Variants in HIVEP3 observed in about 807,000 individuals in gnomAD.
HIVEP3 encodes the protein HIVEP zinc finger 3, also known as transcription factor HIVEP3.
In HIVEP3, 49 loss-of-function variants were observed where a neutral mutation model predicts 152.8. The ratio of observed to expected loss-of-function variants is 0.32; its 90% CI spans 0.26 to 0.41. The LOEUF is 0.41. HIVEP3 is among the 10% of genes least tolerant of loss of function. The pLI, the probability that HIVEP3 is intolerant of heterozygous loss-of-function variation, is 1.00. For synonymous variants in HIVEP3, 1,269 were observed against 1,289.0 expected, an observed-to-expected ratio of 0.98 and a Z score of 0.33; for missense variants, 2,790 against 3,103.3, an observed-to-expected ratio of 0.90 and a Z score of 2.40.
In HIVEP3 at chr1:41,754,949, C is replaced by T. The variant is rs113985668; in HGVS notation, c.-800-53954G>A. Among the ~76,000 whole-genome samples the T allele has an allele frequency of 1.1e-4, 16 of 152,224 alleles. 2 individuals are homozygous for T. The highest frequency in any genetic ancestry group is 3.4e-4 in the African/African-American group (14 of 41,542). ...ACCTTTCAGGAGCAGTTTGGTAATA[C>T]GTTATCACAAGCCTTGAAAAAGTAC... On this transcript the variant is annotated intron_variant, in intron 1 of 8. Transcript: ENST00000372583.
At chr1:41,646,309 C>T (rs907213355) in intron 2 of HIVEP3, among the ~76,000 whole-genome samples, 2 of 152,218 alleles carry the variant, frequency 1.3e-5, no homozygotes, top group Non-Finnish European at 2.9e-5. Context: ...GGGCCAGGGG[C>T]AAACCCCAGG....
At chr1:41,850,854 A>G (rs976728887) in intron 1 of HIVEP3, among the ~76,000 whole-genome samples, 1 of 152,332 alleles carries the variant, frequency 6.6e-6, no homozygotes, top group South Asian at 2.1e-4. Context: ...TCTAACCATC[A>G]TGAAGAATAT....
At chr1:41,802,951 G>A (rs757895535) in intron 1 of HIVEP3, among the ~76,000 whole-genome samples, 7 of 152,176 alleles carry the variant, frequency 4.6e-5, no homozygotes, top group Admixed American at 1.3e-4. Context: ...CTTCAAACAC[G>A]CTCAGAAACC....
chr1:41,879,416 T>C (rs562142757), intron 1 of HIVEP3, among the ~76,000 whole-genome samples: 1 of 152,324 alleles, frequency 6.6e-6, no homozygotes, highest in East Asian at 1.9e-4. Flanking sequence ...GATCCCAACT[T>C]TCCACTGCAC....
At chr1:41,693,770 T>C (rs758429530) in intron 2 of HIVEP3, among the ~76,000 whole-genome samples, 1 of 152,174 alleles carries the variant, frequency 6.6e-6, no homozygotes, top group African/African-American at 2.4e-5. Flanking sequence ...ATCATTATGG[T>C]TTCATGTTTT....
At chr1:41,516,342 C>G (rs954732161) in intron 7 of HIVEP3, among the ~76,000 whole-genome samples, 1 of 152,222 alleles carries the variant, frequency 6.6e-6, no homozygotes, top group African/African-American at 2.4e-5. Context: ...AGGCAGTTCT[C>G]CCACGCGCCA....
chr1:41,511,306 A>C lies in HIVEP3; in HGVS notation c.6406-40T>G. 6.6e-7 allele frequency: 1 copy of C among 1,506,978 alleles called. No individual in the cohort carries two copies. The allele number at this position is 1,506,978 out of a possible 1,614,324, so 93.4% of individuals were successfully genotyped here. ...CAAGACAAGGTAAGGTGAAGGTTACATGCTGGGCACATGGGGAGCCGAGGC... is the reference window on the plus strand; with the variant it reads ...CAAGACAAGGTAAGGTGAAGGTTACCTGCTGGGCACATGGGGAGCCGAGGC... On this transcript the variant is annotated intron_variant, in intron 8 of 8. Coordinates refer to ENST00000372583, the MANE Select transcript of HIVEP3 (RefSeq NM_024503.5). The surrounding 1 kb of genome is among the most constrained non-coding windows in gnomAD (Gnocchi z 4.9).
intron 1 of HIVEP3, among the ~76,000 whole-genome samples, chr1:41,716,823 G>A (rs978962356): frequency 1.3e-5 from 2 of 152,320 alleles, no homozygotes; most frequent in African/African-American, 4.8e-5. Flanking sequence ...AGATGTGAAC[G>A]AAGCCGGTTA....
intron 1 of HIVEP3, among the ~76,000 whole-genome samples, chr1:41,796,147 T>G (rs1443245518): frequency 2.0e-5 from 3 of 152,248 alleles, no homozygotes; most frequent in Non-Finnish European, 2.9e-5. Flanking sequence ...TTTTTGACTC[T>G]AATCCAGCAC....
At chr1:41,691,883 A>AT (rs34731891) in intron 2 of HIVEP3, among the ~76,000 whole-genome samples, 117 of 143,132 alleles carry the variant, frequency 8.2e-4, no homozygotes, top group Non-Finnish European at 1.2e-3. Context: ...AGAGTGGTGA[A>AT]TTTTTTTTTT....
At chr1:41,653,317 T>G (rs916030831) in intron 2 of HIVEP3, among the ~76,000 whole-genome samples, 1 of 152,008 alleles carries the variant, frequency 6.6e-6, no homozygotes, top group Non-Finnish European at 1.5e-5. Context: ...TACCCACCTC[T>G]ACACACACAC....
intron 5 of HIVEP3, among the ~76,000 whole-genome samples, chr1:41,562,624 TCTCTCTCTCC>T (rs1401449555): frequency 1.5e-3 from 168 of 109,934 alleles, no homozygotes; most frequent in African/African-American, 5.9e-3. Context: ...TCTCTCTCTC[TCTCTCTCTCC>T]CTCTCTCTCT....
chr1:41,686,137 T>A (rs146489815), intron 2 of HIVEP3, among the ~76,000 whole-genome samples: 1 of 152,156 alleles, frequency 6.6e-6, no homozygotes, highest in South Asian at 2.1e-4. Flanking sequence ...AGTGGTGCAA[T>A]CTCAGCCCAC....
chr1:41,510,389 A>C lies in HIVEP3; in HGVS notation c.*62T>G. On this transcript the variant is annotated 3_prime_UTR_variant, in exon 9 of 9. Transcript: ENST00000372583. ...TGAGGAAGTGGGATGATTCGAGGAA[A>C]GTGGCTGGAAACGTCTGTTGCTGGA... 1 of 1,343,598 alleles carries C rather than the reference A, an allele frequency of 7.4e-7. No homozygotes were observed. Among genetic ancestry groups the C allele is most frequent in the East Asian group, 2.8e-5 (1 of 35,690 alleles). The allele number at this position is 1,343,598 out of a possible 1,614,324, so 83.2% of individuals were successfully genotyped here.
intron 1 of HIVEP3, among the ~76,000 whole-genome samples, chr1:41,899,596 CG>C (rs1235547781): frequency 2.6e-5 from 4 of 152,008 alleles, no homozygotes; most frequent in African/African-American, 9.7e-5. Context: ...TTAGTAGAGA[CG>C]GGGTTTCACC....
intron 1 of HIVEP3, among the ~76,000 whole-genome samples, chr1:41,779,181 G>C (rs1206116496): frequency 6.6e-6 from 1 of 152,100 alleles, no homozygotes; most frequent in African/African-American, 2.4e-5. Flanking sequence ...CCCCCAACCA[G>C]GTGCATCTCT....
intron 1 of HIVEP3, among the ~76,000 whole-genome samples, chr1:41,766,455 G>A (rs1648014639): frequency 6.6e-6 from 1 of 152,206 alleles, no homozygotes; most frequent in Non-Finnish European, 1.5e-5. Context: ...CATTAATTGA[G>A]CACTTGCTGT....
intron 1 of HIVEP3, among the ~76,000 whole-genome samples, chr1:41,901,926 T>C (rs1434523516): frequency 6.6e-6 from 1 of 152,234 alleles, no homozygotes; most frequent in African/African-American, 2.4e-5. Flanking sequence ...TTGTCTGCTC[T>C]ATTCACAGCT....
chr1:41,831,774 C>T (rs1013280257), intron 1 of HIVEP3, among the ~76,000 whole-genome samples: 6 of 152,204 alleles, frequency 3.9e-5, no homozygotes, highest in Admixed American at 3.9e-4. Context: ...TCATGGGAGG[C>T]AGTGAACACC....
Sources: gnomAD v4.1 joint callset for allele counts (sites outside exome capture counted in the v4.1 genomes callset) on GRCh38, gnomAD v4.1.1 for gene constraint, Gnocchi (gnomAD v3.1) non-coding constraint, MANE v1.5 for transcripts, NCBI Gene and HGNC (gene_info 2026-07-23, HGNC 2026-07-21) for gene names.